DMWD: variants seen among roughly 807,000 people sequenced by gnomAD.
The protein encoded by DMWD is DM1 locus, WD repeat containing.
In DMWD, 19 loss-of-function variants were observed where a neutral mutation model predicts 45.8. That is an observed-to-expected ratio of 0.41 (90% confidence interval 0.29 to 0.61). DMWD has a LOEUF of 0.61. Ranked by LOEUF, DMWD falls within the 20% of genes least tolerant of loss-of-function variation. DMWD has a pLI of 0.25. For synonymous variants in DMWD, 515 were observed against 440.5 expected (o/e 1.17, Z -2.12); for missense variants, 802 against 965.2 (o/e 0.83, Z 2.24).
chr19:45,784,075 G>T lies in DMWD; in HGVS notation c.*168C>A. The T allele has an allele frequency of 1.5e-6, 1 of 674,158 alleles. No individual in the cohort carries two copies. Among genetic ancestry groups the T allele is most frequent in the Non-Finnish European group, 2.7e-6 (1 of 377,030 alleles). 41.8% of individuals were successfully genotyped at this position (674,158 alleles called of 1,614,324 possible). A position where few individuals can be genotyped will look rare whatever the true frequency, so the allele number is the denominator to read the frequency against. ...GGCCACAAGGGCTATTACATCGCCC[G>T]TGTCCGGGCCAGTCTGGGGGGCCCC... On this transcript the variant is annotated 3_prime_UTR_variant, in exon 5 of 5. Coordinates refer to ENST00000270223, the MANE Select transcript of DMWD (RefSeq NM_004943.2).
intron 3 of DMWD, 44 bp from the exon 4 acceptor site, chr19:45,784,759 C>T: frequency 6.3e-7 from 1 of 1,598,938 alleles, no homozygotes; most frequent in Non-Finnish European, 8.5e-7. Context: ...ACCAGACTCC[C>T]CAAATCCCAC....
At position 45,792,792 on chromosome 19, in the gene DMWD, G is replaced by C; in HGVS notation, c.-36C>G. On this transcript the variant is annotated 5_prime_UTR_variant, in exon 1 of 5. Transcript: ENST00000270223. ...CCCCGGGCCCCGCCACTGCCGGACT[G>C]CCGCCCGCAGCCGGGCCCCCTCCCG... 1 of 1,095,888 alleles carries C rather than the reference G, an allele frequency of 9.1e-7. No homozygotes were observed. The highest frequency in any genetic ancestry group is 1.1e-6 in the Non-Finnish European group (1 of 901,830). 67.9% of individuals were successfully genotyped at this position (1,095,888 alleles called of 1,614,324 possible).
rs1307172990 is a variant in DMWD at position 45,786,512 on chromosome 19, G to T, written c.984C>A (p.Gly328=). ...LRGLMKSYFG[G]LLCVCWSPDG... ...CAGGGCTCCAGCACACACACAGCAG[G>T]CCCCCAAAGTAGCTCTTCATGAGCC... Residue 328 remains glycine (G), a synonymous_variant, in exon 3 of 5, where the codon GGC becomes GGA. Transcript: ENST00000270223. 6.2e-7 allele frequency: 1 copy of T among 1,613,902 alleles called. No homozygotes were observed. The highest frequency in any genetic ancestry group is 8.5e-7 in the Non-Finnish European group (1 of 1,179,914).
At position 45,784,733 on chromosome 19, in the gene DMWD, T is replaced by C; in HGVS notation, c.1903-18A>G. The C allele has an allele frequency of 6.2e-7, 1 of 1,611,734 alleles. No homozygotes were observed. The highest frequency in any genetic ancestry group is 8.5e-7 in the Non-Finnish European group (1 of 1,178,910). On this transcript the variant is annotated intron_variant, in intron 3 of 4. Coordinates refer to ENST00000270223, the MANE Select transcript of DMWD (RefSeq NM_004943.2). ...TCTGTGAACTACGGAGACAGAGGGG[T>C]CTCTTTTAGGACTCAACCAGACTCC...
chr19:45,784,226 G>T lies in DMWD; in HGVS notation c.*17C>A. ...AGGCTGGGGGCATGGGGTTGGGGGG[G>T]CCCGATATCCATGGCTTCACACCAC... On this transcript the variant is annotated 3_prime_UTR_variant, in exon 5 of 5. Transcript: ENST00000270223. 1.3e-6 allele frequency: 2 copies of T among 1,555,878 alleles called. No homozygotes were observed. The highest frequency in any genetic ancestry group is 8.7e-7 in the Non-Finnish European group (1 of 1,153,424).
intron 2 of DMWD, 177 bp from the exon 3 acceptor site, chr19:45,787,048 A>G: frequency 3.5e-6 from 4 of 1,156,904 alleles, no homozygotes; most frequent in South Asian, 3.2e-5. Flanking sequence ...ACAGATGGAC[A>G]CCAGGTCATG....
chr19:45,786,754 C>A lies in DMWD; in HGVS notation c.742G>T (p.Ala248Ser), dbSNP rs745518025. ...AGGCTGTACTGGGGCGGGGCCGAGG[C>A]GCAGGGGTGGCTGACGTTGTACAGG... ...LYLYNVSHPC[A>S]SAPPQYSLLK... is the part of the protein sequence containing the mutation. Residue 248 changes from alanine (A) to serine (S), a missense_variant, in exon 3 of 5, where the codon GCC (alanine) becomes TCC (serine). Ala to Ser is a moderately conservative substitution (Grantham distance 99, BLOSUM62 1). Coordinates refer to ENST00000270223, the MANE Select transcript of DMWD (RefSeq NM_004943.2). 6.2e-7 allele frequency: 1 copy of A among 1,614,080 alleles called. No homozygotes were observed. The highest frequency in any genetic ancestry group is 8.5e-7 in the Non-Finnish European group (1 of 1,180,018).
chr19:45,786,180 T>C lies in DMWD; in HGVS notation c.1316A>G (p.Gln439Arg). 1.9e-6 allele frequency: 3 copies of C among 1,602,988 alleles called. No homozygotes were observed. The highest frequency in any genetic ancestry group is 2.6e-6 in the Non-Finnish European group (3 of 1,175,434). The change falls in exon 3 of 5, where the codon CAG becomes CGG. Residue 439 changes from glutamine to arginine, a missense_variant. Coordinates refer to ENST00000270223, the MANE Select transcript of DMWD (RefSeq NM_004943.2). ...TTCAGTGAGGTCCCACAGGCAGAAC[T>C]GCGTGTCCTGGCCCGCCGAGCCAAA... The part of the protein sequence containing the change: ...YRFGSAGQDT[Q>R]FCLWDLTEDV...
intron 2 of DMWD, chr19:45,789,367 G>A (rs1307434460): frequency 2.0e-5 from 3 of 152,260 alleles, no homozygotes; most frequent in Non-Finnish European, 4.4e-5. Context: ...GGACCAGAGA[G>A]AATGAGACAG....
intron 2 of DMWD, among the ~76,000 whole-genome samples, chr19:45,788,165 C>T (rs1456181470): frequency 6.6e-6 from 1 of 152,246 alleles, no homozygotes; most frequent in Non-Finnish European, 1.5e-5. Context: ...TGCTGTGTGA[C>T]TGGCCTCAGG....
At position 45,791,055 on chromosome 19, in the gene DMWD, C is replaced by T; in HGVS notation, c.474G>A (p.Arg158=). 1 of 1,612,308 alleles carries T rather than the reference C, an allele frequency of 6.2e-7. No homozygotes were observed. The highest frequency in any genetic ancestry group is 8.5e-7 in the Non-Finnish European group (1 of 1,179,054). ...AGGTGGGCTGGGTGCCCTTGTAGATCCGCTTGTCAATTGGCTTGTTGAGGT... is the reference window on the plus strand; with the variant it reads ...AGGTGGGCTGGGTGCCCTTGTAGATTCGCTTGTCAATTGGCTTGTTGAGGT... ...SIDLNKPIDK[R]IYKGTQPTCH... is the part of the protein sequence containing the mutation. The change falls in exon 2 of 5, where the codon CGG becomes CGA. Residue 158 remains arginine (R), a synonymous_variant. Coordinates refer to ENST00000270223, the MANE Select transcript of DMWD (RefSeq NM_004943.2).
Position 45,792,364 on chromosome 19 carries a change from G to T in DMWD, c.393C>A (p.Gly131=). ...AGCCTGGGTAGAAATAGAGCTCACG[G>T]CCCAAGTTGAAGCAGACGCGGTCTC... ...SGGDRVCFNL[G]RELYFYPGCC... The change falls in exon 1 of 5, where the codon GGC becomes GGA. Residue 131 remains glycine, a synonymous_variant. Coordinates refer to ENST00000270223, the MANE Select transcript of DMWD (RefSeq NM_004943.2). 6.2e-7 allele frequency: 1 copy of T among 1,610,966 alleles called. No homozygotes were observed. Among genetic ancestry groups the T allele is most frequent in the Non-Finnish European group, 8.5e-7 (1 of 1,178,672 alleles).
intron 2 of DMWD, among the ~76,000 whole-genome samples, chr19:45,788,182 T>C (rs1036167352): frequency 2.0e-5 from 3 of 152,218 alleles, no homozygotes; most frequent in Non-Finnish European, 4.4e-5. Context: ...CAGGCTCCAA[T>C]GCCTGGGCCT....
Position 45,783,946 on chromosome 19 carries a change from C to A in DMWD, c.*297G>T. On this transcript the variant is annotated 3_prime_UTR_variant, in exon 5 of 5. Transcript: ENST00000270223. ...CTTGTGGCAGGGGCGGGGAGTCTCT[C>A]CCCAGGAGTGACCAGTCACATGCTG... The A allele has an allele frequency of 1.7e-6, 1 of 578,246 alleles. No individual in the cohort carries two copies. The highest frequency in any genetic ancestry group is 3.0e-6 in the Non-Finnish European group (1 of 331,330). The allele number at this position is 578,246 out of a possible 1,614,324, so 35.8% of individuals were successfully genotyped here.
chr19:45,783,485 G>A lies in DMWD; in HGVS notation c.*758C>T, dbSNP rs1273438793. Reference sequence around the variant, plus strand: ...CCGAGGACTTTGATGAGGGGCCCTGGCTGCGGGCAGGATGCTCTTCTCCCC... The same window carrying A: ...CCGAGGACTTTGATGAGGGGCCCTGACTGCGGGCAGGATGCTCTTCTCCCC... On this transcript the variant is annotated 3_prime_UTR_variant, in exon 5 of 5. Coordinates refer to ENST00000270223, the MANE Select transcript of DMWD (RefSeq NM_004943.2). 1 of 398,410 alleles carries A rather than the reference G, an allele frequency of 2.5e-6. No homozygotes were observed. The highest frequency in any genetic ancestry group is 4.4e-6 in the Non-Finnish European group (1 of 226,078). The allele number at this position is 398,410 out of a possible 1,614,324, so 24.7% of individuals were successfully genotyped here. A position where few individuals can be genotyped will look rare whatever the true frequency, so the allele number is the denominator to read the frequency against.
Position 45,786,089 on chromosome 19 carries a change from C to A in DMWD, c.1407G>T (p.Thr469=). ...TRTLPGTPGT[T]PPAASSSRGG... Reference sequence around the variant, plus strand: ...CCCTCGAGCTGCTGGCGGCCGGTGGCGTGGTGCCAGGTGTGCCAGGGAGGG... The same window carrying A: ...CCCTCGAGCTGCTGGCGGCCGGTGGAGTGGTGCCAGGTGTGCCAGGGAGGG... The change falls in exon 3 of 5, where the codon ACG becomes ACT. Residue 469 remains threonine, a synonymous_variant. Coordinates refer to ENST00000270223, the MANE Select transcript of DMWD (RefSeq NM_004943.2). 3 of 1,518,338 alleles carry A rather than the reference C, an allele frequency of 2.0e-6. No homozygotes were observed. Among genetic ancestry groups the A allele is most frequent in the Non-Finnish European group, 2.7e-6 (3 of 1,131,948 alleles). The allele number at this position is 1,518,338 out of a possible 1,614,324, so 94.1% of individuals were successfully genotyped here.
At chr19:45,791,213 T>A in intron 1 of DMWD, 126 bp from the exon 2 acceptor site, 1 of 919,900 alleles carries the variant, frequency 1.1e-6, no homozygotes, top group Non-Finnish European at 1.6e-6. Context: ...GGGAGGTGAG[T>A]AGGTGGATTG....
rs376839152 is a variant in DMWD at position 45,786,089 on chromosome 19, C to T, written c.1407G>A (p.Thr469=). ...TRTLPGTPGT[T]PPAASSSRGG... is the part of the protein sequence containing the mutation. ...CCCTCGAGCTGCTGGCGGCCGGTGG[C>T]GTGGTGCCAGGTGTGCCAGGGAGGG... The change falls in exon 3 of 5, where the codon ACG becomes ACA. Residue 469 remains threonine, a synonymous_variant. Coordinates refer to ENST00000270223, the MANE Select transcript of DMWD (RefSeq NM_004943.2). The T allele has an allele frequency of 1.7e-4, 261 of 1,518,336 alleles. No homozygotes were observed. Among genetic ancestry groups the T allele is most frequent in the Middle Eastern group, 1.8e-4 (1 of 5,696 alleles). The allele number at this position is 1,518,336 out of a possible 1,614,324, so 94.1% of individuals were successfully genotyped here.
Position 45,786,759 on chromosome 19 carries a change from G to T in DMWD, c.737C>A (p.Pro246His), listed in dbSNP as rs1266947529. The change falls in exon 3 of 5, where the codon CCC (proline) becomes CAC (histidine). Residue 246 changes from proline to histidine, a missense_variant. Pro to His is a moderately conservative substitution (Grantham distance 77, BLOSUM62 -2). This residue lies in a region of DMWD where 146 missense variants were observed against 212.8 expected (regional missense o/e 0.69). Coordinates refer to ENST00000270223, the MANE Select transcript of DMWD (RefSeq NM_004943.2). ...GTACTGGGGCGGGGCCGAGGCGCAG[G>T]GGTGGCTGACGTTGTACAGGTACAG... ...GHLYLYNVSH[P>H]CASAPPQYSL... 1.2e-6 allele frequency: 2 copies of T among 1,614,056 alleles called. No individual in the cohort carries two copies. The highest frequency in any genetic ancestry group is 3.3e-5 in the Admixed American group (2 of 60,012).
Sources: allele counts gnomAD v4.1 joint callset (sites outside exome capture counted in the v4.1 genomes callset), GRCh38; gene constraint gnomAD v4.1.1; regional missense constraint gnomAD v4.1.1; transcripts MANE v1.5; gene names NCBI Gene and HGNC (gene_info 2026-07-23, HGNC 2026-07-21).